The following FMN1 variants were observed in gnomAD, a reference collection of about 807,000 sequenced individuals.
FMN1 encodes formin-1.
In FMN1, 110 loss-of-function variants were observed where a neutral mutation model predicts 132.4. The ratio of observed to expected loss-of-function variants is 0.83; its 90% confidence interval spans 0.71 to 0.97. The LOEUF (loss-of-function observed/expected upper bound fraction) is 0.97. FMN1 is among the 50% of genes least tolerant of loss of function. FMN1 has a pLI of 0.00. For missense variants in FMN1, 1,792 were observed against 1,705.3 expected, an observed-to-expected ratio of 1.05 and a Z score of -0.90; for synonymous variants, 722 against 651.7, an observed-to-expected ratio of 1.11 and a Z score of -1.64.
intron 9 of FMN1, among the ~76,000 whole-genome samples, chr15:32,930,427 CAGT>C (rs756652124): frequency 4.6e-4 from 69 of 149,554 alleles, no homozygotes; most frequent in Non-Finnish European, 7.8e-4. Context: ...TTTTTTTTGA[CAGT>C]GGCCATTCTG....
intron 3 of FMN1, among the ~76,000 whole-genome samples, chr15:33,170,443 C>T (rs1465453749): frequency 6.6e-6 from 1 of 151,824 alleles, no homozygotes; most frequent in African/African-American, 2.4e-5. Flanking sequence ...AGCTTCTGCA[C>T]AGCAAAGCAG....
At chr15:32,996,922 C>A (rs1224993572) in intron 7 of FMN1, among the ~76,000 whole-genome samples, 1 of 152,116 alleles carries the variant, frequency 6.6e-6, no homozygotes, top group Non-Finnish European at 1.5e-5. Context: ...AGGGACTATA[C>A]TGGAGAAGAT....
chr15:33,082,779 G>C (rs190775166), intron 5 of FMN1, among the ~76,000 whole-genome samples: 90 of 152,116 alleles, frequency 5.9e-4, no homozygotes, highest in African/African-American at 2.1e-3. Flanking sequence ...TGCTACCCAA[G>C]GGCAATTCAC....
chr15:33,071,085 G>C (rs1450071147), intron 5 of FMN1, among the ~76,000 whole-genome samples: 2 of 152,156 alleles, frequency 1.3e-5, no homozygotes, highest in Non-Finnish European at 2.9e-5. Context: ...CAGTTCATTG[G>C]TGGTCTTTAA....
chr15:33,080,824 T>C (rs1328718727), intron 5 of FMN1, among the ~76,000 whole-genome samples: 9 of 149,834 alleles, frequency 6.0e-5, no homozygotes, highest in Non-Finnish European at 1.0e-4. Flanking sequence ...GAGGCGGAGG[T>C]TGCGGTGAGC....
intron 5 of FMN1, among the ~76,000 whole-genome samples, chr15:33,088,478 A>C (rs1212445032): frequency 6.6e-6 from 1 of 152,186 alleles, no homozygotes; most frequent in African/African-American, 2.4e-5. Flanking sequence ...TAGTAAAAGG[A>C]TATTAAGAAG....
chr15:32,890,755 C>T (rs1037269789), intron 15 of FMN1, among the ~76,000 whole-genome samples: 3 of 152,176 alleles, frequency 2.0e-5, no homozygotes, highest in African/African-American at 7.2e-5. Context: ...TAAGTCCCAA[C>T]TACTTATCTT....
chr15:33,123,252 A>C (rs1326128314), intron 4 of FMN1, among the ~76,000 whole-genome samples: 1 of 151,410 alleles, frequency 6.6e-6, no homozygotes, highest in East Asian at 1.9e-4. Context: ...ATTTCTGTCC[A>C]CTCTGCTGCT....
At chr15:33,122,899 T>C (rs1258377035) in intron 4 of FMN1, among the ~76,000 whole-genome samples, 4 of 152,146 alleles carry the variant, frequency 2.6e-5, no homozygotes, top group Admixed American at 6.5e-5. Flanking sequence ...AACCAACATC[T>C]ATGCAGCATG....
Position 32,820,867 on chromosome 15 carries a change from C to A in FMN1, c.3929-16535G>T, listed in dbSNP as rs1486461819. Among the ~76,000 whole-genome samples, 6 of 152,102 alleles carry A rather than the reference C, an allele frequency of 3.9e-5. No homozygotes were observed. The East Asian group carries it at 1.2e-3, about 29-fold the overall frequency. On this transcript the variant is annotated intron_variant, in intron 17 of 20. Coordinates refer to ENST00000616417, the MANE Select transcript of FMN1 (RefSeq NM_001277313.2). ...TATTAACTTTGTTTACAACGTTTAT[C>A]ATTTTTAAATTTAAATCTGAAACAG...
intron 5 of FMN1, among the ~76,000 whole-genome samples, chr15:33,070,938 T>C (rs769598523): frequency 3.9e-5 from 6 of 152,142 alleles, no homozygotes; most frequent in Non-Finnish European, 8.8e-5. Flanking sequence ...ACAGAAACAG[T>C]GGATGGTGGA....
chr15:33,173,656 C>G (rs1342791700), intron 3 of FMN1, among the ~76,000 whole-genome samples: 3 of 152,198 alleles, frequency 2.0e-5, no homozygotes, highest in Non-Finnish European at 2.9e-5. Context: ...AGGCCGGGCA[C>G]GGTGGCTCAC....
At chr15:32,816,510 A>G (rs2058063572) in intron 17 of FMN1, among the ~76,000 whole-genome samples, 1 of 152,146 alleles carries the variant, frequency 6.6e-6, no homozygotes, top group Non-Finnish European at 1.5e-5. Flanking sequence ...AAAGGGGCTC[A>G]TTTAATATAA....
chr15:32,765,600 A>G lies in FMN1; in HGVS notation c.*8710T>C, dbSNP rs2056019464. On this transcript the variant is annotated 3_prime_UTR_variant, in exon 21 of 21. Transcript: ENST00000616417. ...CTTAGCATATTTACAATTGAAAGCC[A>G]TGAATGCAATTCTCTGTAAATTCCA... The G allele has an allele frequency of 6.7e-6, 1 of 149,576 alleles. No individual in the cohort carries two copies. Among genetic ancestry groups the G allele is most frequent in the Non-Finnish European group, 1.5e-5 (1 of 67,664 alleles). 9.3% of individuals were successfully genotyped at this position (149,576 alleles called of 1,614,324 possible).
chr15:33,018,899 C>T (rs1401675571), intron 6 of FMN1, among the ~76,000 whole-genome samples: 2 of 152,172 alleles, frequency 1.3e-5, no homozygotes, highest in African/African-American at 4.8e-5. Context: ...GGTTCGTAGT[C>T]TCACTGGCTC....
chr15:33,011,549 T>C (rs1013292488), intron 6 of FMN1, among the ~76,000 whole-genome samples: 2 of 152,018 alleles, frequency 1.3e-5, no homozygotes, highest in Admixed American at 6.6e-5. Context: ...CACAAAGCAA[T>C]ATATATAGAG....
At chr15:33,077,372 T>C (rs1462364097) in intron 5 of FMN1, among the ~76,000 whole-genome samples, 1 of 28,402 alleles carries the variant, frequency 3.5e-5, no homozygotes, top group Non-Finnish European at 9.4e-5. Context: ...TATATATATT[T>C]TTTTTATTAT....
At chr15:33,113,066 A>C (rs2039773446) in intron 4 of FMN1, among the ~76,000 whole-genome samples, 1 of 152,230 alleles carries the variant, frequency 6.6e-6, no homozygotes, top group South Asian at 2.1e-4. Flanking sequence ...TTATATCTAA[A>C]GTACAACCAA....
intron 17 of FMN1, among the ~76,000 whole-genome samples, chr15:32,833,501 T>C (rs1340083586): frequency 6.6e-6 from 1 of 152,078 alleles, no homozygotes. Flanking sequence ...GCCCCAATAT[T>C]AGTCCATACA....
Sources: allele counts gnomAD v4.1 joint callset (sites outside exome capture counted in the v4.1 genomes callset), GRCh38; gene constraint gnomAD v4.1.1; transcripts MANE v1.5; gene names NCBI Gene and HGNC (gene_info 2026-07-23, HGNC 2026-07-21).